Variants in CA10 observed in about 807,000 individuals in gnomAD.
CA10 encodes carbonic anhydrase 10 (inactive), also known as carbonic anhydrase-related protein 10.
In CA10, 14 loss-of-function variants were observed where a neutral mutation model predicts 44.2. The ratio of observed to expected loss-of-function variants is 0.32; its 90% CI spans 0.21 to 0.50. The LOEUF (loss-of-function observed/expected upper bound fraction) is 0.50, where lower values mean the gene tolerates loss of function less well. Among genes scored for constraint, CA10 ranks in the 20% least tolerant of loss-of-function variants. The probability of loss-of-function intolerance (pLI) is 0.99; values close to 1 mark genes in which losing one functional copy is unlikely to be tolerated. For synonymous variants in CA10, 159 were observed against 141.6 expected (o/e 1.12, Z -0.87); for missense variants, 350 against 409.7 (o/e 0.85, Z 1.26).
At chr17:51,773,287 CT>C (rs1362351203) in intron 3 of CA10, among the ~76,000 whole-genome samples, 1 of 152,172 alleles carries the variant, frequency 6.6e-6, no homozygotes, top group East Asian at 1.9e-4. Flanking sequence ...AGTATGGATC[CT>C]TTACTGCAGC....
intron 1 of CA10, among the ~76,000 whole-genome samples, chr17:52,087,758 C>T (rs1482030218): frequency 6.6e-6 from 1 of 152,066 alleles, no homozygotes; most frequent in Non-Finnish European, 1.5e-5. Context: ...AATGAAAATA[C>T]AACATAGAAT....
intron 1 of CA10, among the ~76,000 whole-genome samples, chr17:52,153,499 C>T (rs747412032): frequency 1.1e-4 from 17 of 152,114 alleles, no homozygotes; most frequent in Non-Finnish European, 1.9e-4. Flanking sequence ...GTTTAGTAAA[C>T]TTTCCAAGCC....
At chr17:51,745,713 T>G (rs1241696588) in intron 4 of CA10, among the ~76,000 whole-genome samples, 1 of 152,208 alleles carries the variant, frequency 6.6e-6, no homozygotes, top group Non-Finnish European at 1.5e-5. Context: ...AATAATACAA[T>G]GTAAAGATTT....
chr17:51,773,874 C>T (rs1371545587), intron 3 of CA10, among the ~76,000 whole-genome samples: 2 of 152,130 alleles, frequency 1.3e-5, no homozygotes, highest in Non-Finnish European at 2.9e-5. Flanking sequence ...ATCAAGTTGG[C>T]TCGGTTGCTG....
chr17:52,079,230 G>A (rs978321157), intron 1 of CA10, among the ~76,000 whole-genome samples: 2 of 152,046 alleles, frequency 1.3e-5, no homozygotes, highest in African/African-American at 4.8e-5. Flanking sequence ...AGCTTGCAGT[G>A]AGCCGAGATT....
At chr17:52,014,275 A>G (rs1418795035) in intron 2 of CA10, among the ~76,000 whole-genome samples, 1 of 152,012 alleles carries the variant, frequency 6.6e-6, no homozygotes, top group Non-Finnish European at 1.5e-5. Flanking sequence ...CCATACAAGT[A>G]TAAGTTATAG....
At chr17:52,126,354 G>A (rs1989119512) in intron 1 of CA10, among the ~76,000 whole-genome samples, 1 of 152,146 alleles carries the variant, frequency 6.6e-6, no homozygotes, top group Non-Finnish European at 1.5e-5. Context: ...ATGTAATGCA[G>A]TGTCTATTTG....
chr17:51,813,723 G>A (rs567535065), intron 3 of CA10, among the ~76,000 whole-genome samples: 2 of 152,214 alleles, frequency 1.3e-5, no homozygotes, highest in South Asian at 2.1e-4. Flanking sequence ...CCTCCGAATG[G>A]CTCCACTCCC....
intron 4 of CA10, among the ~76,000 whole-genome samples, chr17:51,722,526 C>T (rs1048523763): frequency 1.4e-4 from 21 of 152,148 alleles, no homozygotes; most frequent in African/African-American, 5.1e-4. Context: ...TTTGCAGTCA[C>T]AGCTCATGTA....
intron 3 of CA10, among the ~76,000 whole-genome samples, chr17:51,811,527 C>T (rs1209477682): frequency 2.0e-5 from 3 of 152,172 alleles, no homozygotes; most frequent in Non-Finnish European, 4.4e-5. Context: ...TGAGTGAGAA[C>T]ATGTGGTGTT....
At chr17:51,754,927 CAT>C (rs926934405) in intron 3 of CA10, among the ~76,000 whole-genome samples, 28 of 151,788 alleles carry the variant, frequency 1.8e-4, no homozygotes, top group African/African-American at 6.8e-4. Context: ...TATATACATG[CAT>C]ATATTATATA....
At chr17:51,975,351 C>CT (rs1697866311) in intron 2 of CA10, among the ~76,000 whole-genome samples, 1 of 152,194 alleles carries the variant, frequency 6.6e-6, no homozygotes, top group Non-Finnish European at 1.5e-5. Context: ...AAATGGCCCA[C>CT]TTAAAAGGCA....
At chr17:52,044,497 T>A (rs1162047867) in intron 2 of CA10, among the ~76,000 whole-genome samples, 1 of 151,576 alleles carries the variant, frequency 6.6e-6, no homozygotes, top group Non-Finnish European at 1.5e-5. Context: ...AGAAATGGGG[T>A]TTTGTCATGT....
chr17:51,975,216 C>G (rs1418072707), intron 2 of CA10, among the ~76,000 whole-genome samples: 1 of 152,046 alleles, frequency 6.6e-6, no homozygotes, highest in Non-Finnish European at 1.5e-5. Context: ...GTTGAAGTAA[C>G]AGAGCAAACA....
At chr17:51,684,542 C>T (rs543809506) in intron 4 of CA10, among the ~76,000 whole-genome samples, 1 of 152,280 alleles carries the variant, frequency 6.6e-6, no homozygotes, top group South Asian at 2.1e-4. Flanking sequence ...CCAAAACGTG[C>T]CATGCCCTGG....
At chr17:52,020,344 T>A (rs1450025214) in intron 2 of CA10, among the ~76,000 whole-genome samples, 1 of 152,002 alleles carries the variant, frequency 6.6e-6, no homozygotes, top group African/African-American at 2.4e-5. Context: ...TCTGCATAAA[T>A]TTTAAACTCA....
intron 2 of CA10, among the ~76,000 whole-genome samples, chr17:52,023,922 G>A (rs377357682): frequency 1.4e-4 from 21 of 152,004 alleles, no homozygotes; most frequent in African/African-American, 5.1e-4. Flanking sequence ...TCTTTTAACA[G>A]TTTTACTATG....
chr17:51,949,767 C>T (rs551065272), intron 2 of CA10, among the ~76,000 whole-genome samples: 2 of 152,064 alleles, frequency 1.3e-5, no homozygotes, highest in South Asian at 2.1e-4. Context: ...CATAGAGGAA[C>T]CTTGGGCTAA....
intron 2 of CA10, among the ~76,000 whole-genome samples, chr17:51,943,961 C>G (rs1465987477): frequency 6.6e-6 from 1 of 152,124 alleles, no homozygotes; most frequent in Non-Finnish European, 1.5e-5. Context: ...GAGAGAGTTA[C>G]AGAACAGTAT....
Sources: gnomAD v4.1 joint callset for allele counts (sites outside exome capture counted in the v4.1 genomes callset) on GRCh38, gnomAD v4.1.1 for gene constraint, MANE v1.5 for transcripts, NCBI Gene and HGNC (gene_info 2026-07-23, HGNC 2026-07-21) for gene names.